The following GPC6 variants were observed in gnomAD, a reference collection of about 807,000 sequenced individuals.
GPC6 encodes the protein glypican-6.
Under a neutral mutation model 55.2 loss-of-function variants are expected in GPC6, and 14 were observed. That is an observed-to-expected ratio of 0.25 (90% confidence interval 0.17 to 0.40). The LOEUF (loss-of-function observed/expected upper bound fraction) is 0.40. GPC6 is among the 10% of genes least tolerant of loss of function. The pLI is 1.00. For synonymous variants in GPC6, 278 were observed against 259.6 expected (o/e 1.07, Z -0.68); for missense variants, 641 against 708.5 (o/e 0.90, Z 1.08).
At chr13:93,418,667 CGTA>C (rs944347425) in intron 1 of GPC6, among the ~76,000 whole-genome samples, 7 of 150,150 alleles carry the variant, frequency 4.7e-5, no homozygotes, top group Admixed American at 4.0e-4. Context: ...AGCGCTATAC[CGTA>C]GTATTTTATT....
At chr13:93,318,880 G>A (rs957668518) in intron 1 of GPC6, among the ~76,000 whole-genome samples, 5 of 152,132 alleles carry the variant, frequency 3.3e-5, no homozygotes, top group Admixed American at 1.3e-4. Flanking sequence ...GTTGCTATAT[G>A]TTATAGCTTT....
At chr13:93,965,195 C>T (rs145913640) in intron 3 of GPC6, among the ~76,000 whole-genome samples, 12 of 138,876 alleles carry the variant, frequency 8.6e-5, no homozygotes, top group African/African-American at 1.6e-4. Context: ...GCAGATCACA[C>T]GGTCAGGAGA....
intron 1 of GPC6, among the ~76,000 whole-genome samples, chr13:93,379,858 A>G (rs538432749): frequency 6.6e-6 from 1 of 151,922 alleles, no homozygotes; most frequent in Non-Finnish European, 1.5e-5. Context: ...TGAAACAAAA[A>G]GGTGCTATCG....
chr13:93,754,632 G>A (rs1207074242), intron 2 of GPC6, among the ~76,000 whole-genome samples: 4 of 151,664 alleles, frequency 2.6e-5, no homozygotes. Context: ...GTATTGATAG[G>A]AGTAAAACCC....
At chr13:94,387,890 C>T (rs8001759) in intron 7 of GPC6, among the ~76,000 whole-genome samples, 6,118 of 152,208 alleles carry the variant, frequency 0.04, 384 homozygotes, top group African/African-American at 0.14. Flanking sequence ...AATAAATGTG[C>T]ATTGTTTAAA....
At chr13:93,547,218 C>T (rs918616269) in intron 2 of GPC6, among the ~76,000 whole-genome samples, 6 of 150,424 alleles carry the variant, frequency 4.0e-5, no homozygotes, top group Non-Finnish European at 8.8e-5. Flanking sequence ...TGGTGCCAGG[C>T]GCCTGTAGTC....
intron 2 of GPC6, among the ~76,000 whole-genome samples, chr13:93,565,220 G>A (rs1876036534): frequency 6.6e-6 from 1 of 152,074 alleles, no homozygotes; most frequent in Admixed American, 6.5e-5. Flanking sequence ...TTGAAAGGGG[G>A]GAGAAGCAGC....
At chr13:94,174,557 G>T (rs1161510406) in intron 4 of GPC6, among the ~76,000 whole-genome samples, 1 of 152,072 alleles carries the variant, frequency 6.6e-6, no homozygotes, top group Non-Finnish European at 1.5e-5. Flanking sequence ...AACAAATGGT[G>T]TGGCAAAGCA....
chr13:94,049,842 A>C (rs753735046), intron 4 of GPC6, among the ~76,000 whole-genome samples: 8 of 152,142 alleles, frequency 5.3e-5, no homozygotes, highest in Non-Finnish European at 7.4e-5. Flanking sequence ...TATAGTTCCC[A>C]TAATCCCCAC....
At chr13:93,757,786 A>C (rs2138871922) in intron 2 of GPC6, among the ~76,000 whole-genome samples, 1 of 152,280 alleles carries the variant, frequency 6.6e-6, no homozygotes, top group African/African-American at 2.4e-5. Flanking sequence ...GGCACTGTGG[A>C]TTCTGCCATT....
chr13:93,269,465 C>T (rs189051863), intron 1 of GPC6, among the ~76,000 whole-genome samples: 6 of 152,172 alleles, frequency 3.9e-5, no homozygotes, highest in East Asian at 3.9e-4. Context: ...AATGACATTT[C>T]GCAGCCCTAG....
At chr13:93,653,024 T>C (rs570125467) in intron 2 of GPC6, among the ~76,000 whole-genome samples, 2 of 152,302 alleles carry the variant, frequency 1.3e-5, no homozygotes, top group South Asian at 2.1e-4. Context: ...TGAATACTGA[T>C]TCAGGAAGAC....
At position 94,232,986 on chromosome 13, in the gene GPC6, C is replaced by CT. The variant is rs67718119; in HGVS notation, c.878-53337dup. Among the ~76,000 whole-genome samples the CT allele has an allele frequency of 5.4e-3, 435 of 80,642 alleles. 5 individuals are homozygous for CT. The highest frequency in any genetic ancestry group is 7.5e-3 in the Admixed American group (51 of 6,822). 52.9% of individuals were successfully genotyped at this position (80,642 alleles called of 152,430 possible). ...ATTCACAATAGTTCAGGTTTTATAA[C>CT]TTTTTTTTTTTTTTTTTTTTTTTTT... On this transcript the variant is annotated intron_variant, in intron 4 of 8. Coordinates refer to ENST00000377047, the MANE Select transcript of GPC6 (RefSeq NM_005708.5).
At chr13:93,513,480 A>G (rs577883479) in intron 1 of GPC6, among the ~76,000 whole-genome samples, 13 of 152,292 alleles carry the variant, frequency 8.5e-5, no homozygotes, top group African/African-American at 3.1e-4. Context: ...TTTGACTATG[A>G]TTCTAGGTTT....
intron 4 of GPC6, among the ~76,000 whole-genome samples, chr13:94,239,608 A>C (rs1372721174): frequency 6.6e-6 from 1 of 152,130 alleles, no homozygotes; most frequent in Non-Finnish European, 1.5e-5. Flanking sequence ...AATGCTTCAA[A>C]GCACTCTCGG....
At chr13:93,417,779 G>C (rs1046597717) in intron 1 of GPC6, among the ~76,000 whole-genome samples, 1 of 152,010 alleles carries the variant, frequency 6.6e-6, no homozygotes, top group African/African-American at 2.4e-5. Flanking sequence ...GAACTGGGAT[G>C]TAAATGAAAA....
intron 1 of GPC6, among the ~76,000 whole-genome samples, chr13:93,488,438 A>G (rs1040088056): frequency 1.3e-5 from 2 of 152,182 alleles, no homozygotes; most frequent in African/African-American, 4.8e-5. Flanking sequence ...ATACGTGTGC[A>G]TGTGTCTTTA....
At chr13:93,416,802 C>A (rs137860070) in intron 1 of GPC6, among the ~76,000 whole-genome samples, 1 of 151,958 alleles carries the variant, frequency 6.6e-6, no homozygotes, top group Non-Finnish European at 1.5e-5. Context: ...CAGGGCAACC[C>A]CCCTGTTATT....
intron 4 of GPC6, among the ~76,000 whole-genome samples, chr13:94,165,077 C>A (rs1234296393): frequency 6.6e-6 from 1 of 151,580 alleles, no homozygotes; most frequent in African/African-American, 2.4e-5. Flanking sequence ...AGTCACTATA[C>A]AAAAAAGATA....
Sources: gnomAD v4.1 joint callset for allele counts (sites outside exome capture counted in the v4.1 genomes callset) on GRCh38, gnomAD v4.1.1 for gene constraint, MANE v1.5 for transcripts, NCBI Gene and HGNC (gene_info 2026-07-23, HGNC 2026-07-21) for gene names.